The following WDR81 variants were observed in gnomAD, a reference collection of about 807,000 sequenced individuals.
WDR81 encodes the protein WD repeat domain 81, also known as WD repeat-containing protein 81.
Under a neutral mutation model 140.8 loss-of-function variants are expected in WDR81, and 92 were observed. The observed-to-expected ratio is 0.65, with a 90% CI of 0.55 to 0.78. The LOEUF is 0.78. WDR81 is among the 30% of genes least tolerant of loss of function. The pLI, the probability that WDR81 is intolerant of heterozygous loss-of-function variation, is 0.00. For synonymous variants in WDR81, 1,183 were observed against 1,156.4 expected (o/e 1.02, Z -0.47); for missense variants, 2,502 against 2,636.4 (o/e 0.95, Z 1.12).
rs569230233 is a variant in WDR81, at chr17:1,730,635, G to C, written c.3776-120G>C. On this transcript the variant is annotated intron_variant, in intron 2 of 9. Transcript: ENST00000409644. ...GGGTCCCAGTCTAAGTGCCAGCCTTGGGTAGGGCCAGGCTGGGCCCCCAGC... is the reference window on the plus strand; with the variant it reads ...GGGTCCCAGTCTAAGTGCCAGCCTTCGGTAGGGCCAGGCTGGGCCCCCAGC... 9.6e-5 allele frequency: 137 copies of C among 1,428,808 alleles called. No individual in the cohort carries two copies. The South Asian group carries it at 1.8e-3, about 19-fold the overall frequency. The allele number at this position is 1,428,808 out of a possible 1,614,324, so 88.5% of individuals were successfully genotyped here.
chr17:1,733,758 C>T lies in WDR81; in HGVS notation c.4721C>T (p.Ser1574Phe). Residue 1574 changes from serine to phenylalanine, a missense_variant, in exon 7 of 10, where the codon TCT becomes TTT. Physicochemically the swap from Ser to Phe is radical, Grantham distance 155 (BLOSUM62 -2). Transcript: ENST00000409644. ...AACCGCATTCAGATCCCCAATGACT[C>T]TCGGCCTGAGAACCCCGGACCACTG... ...VGNRIQIPND[S>F]RPENPGPLGP... The T allele has an allele frequency of 6.2e-7, 1 of 1,612,612 alleles. No homozygotes were observed. Among genetic ancestry groups the T allele is most frequent in the South Asian group, 1.1e-5 (1 of 91,078 alleles).
In WDR81 at chr17:1,726,257, A is replaced by C; in HGVS notation, c.1298A>C (p.Glu433Ala). 6.6e-7 allele frequency: 1 copy of C among 1,518,888 alleles called. No individual in the cohort carries two copies. The highest frequency in any genetic ancestry group is 8.8e-7 in the Non-Finnish European group (1 of 1,131,518). 94.1% of individuals were successfully genotyped at this position (1,518,888 alleles called of 1,614,324 possible). ...GTAGCAGGCGGGGCGGGCGGCGGGG[A>C]ACCCCCTCATGTTCCCCACCACATC... is the stretch of plus-strand genomic sequence containing the variant. ...AFVAGGAGGGEPPHVPHHISD... is the reference protein window; with the variant it reads ...AFVAGGAGGGAPPHVPHHISD... The change falls in exon 1 of 10, where the codon GAA (glutamate) becomes GCA (alanine). Residue 433 changes from glutamate (E) to alanine (A), a missense_variant. Physicochemically the swap from Glu to Ala is moderately radical, Grantham distance 107. Around this residue, in one of 3 missense-constraint regions of WDR81, gnomAD observed 218 missense variants for 279.6 expected, o/e 0.78. Transcript: ENST00000409644.
At position 1,726,220 on chromosome 17, in the gene WDR81, C is replaced by T. The variant is rs370244211; in HGVS notation, c.1261C>T (p.Arg421Trp). The stretch of plus-strand genomic sequence containing the variant: ...ACTGGACTTCACGTATGAGATGACA[C>T]GGCAGGCATTCGTAGCAGGCGGGGC... ...KQLDFTYEMT[R>W]QAFVAGGAGG... is the part of the protein sequence containing the mutation. Residue 421 changes from arginine (R) to tryptophan (W), a missense_variant, in exon 1 of 10, where the codon CGG becomes TGG. By Grantham distance (101) the Arg-to-Trp change is moderately radical (BLOSUM62 -3). Coordinates refer to ENST00000409644, the MANE Select transcript of WDR81 (RefSeq NM_001163809.2). The T allele has an allele frequency of 1.3e-6, 2 of 1,532,828 alleles. No individual in the cohort carries two copies. The highest frequency in any genetic ancestry group is 1.4e-5 in the African/African-American group (1 of 72,804). The allele number at this position is 1,532,828 out of a possible 1,614,324, so 95.0% of individuals were successfully genotyped here.
rs894611653 is a variant in WDR81 at position 1,726,936 on chromosome 17, G to A, written c.1977G>A (p.Leu659=). ...GGCCGGTGGCAGGAGAAGACGACTT[G>A]GAACAGGCCACAGAAGCTCTGGATT... The part of the protein sequence containing the change: ...RDRPVAGEDD[L]EQATEALDSI... Residue 659 remains leucine, a synonymous_variant, in exon 1 of 10, where the codon TTG becomes TTA. Coordinates refer to ENST00000409644, the MANE Select transcript of WDR81 (RefSeq NM_001163809.2). 2.0e-5 allele frequency: 31 copies of A among 1,550,326 alleles called. No homozygotes were observed. The highest frequency in any genetic ancestry group is 2.6e-5 in the Non-Finnish European group (30 of 1,146,984).
upstream of WDR81, among the ~76,000 whole-genome samples, chr17:1,723,455 ATT>A (rs1184517785): frequency 0.022 from 2,496 of 113,732 alleles, 66 homozygotes; most frequent in African/African-American, 0.067. Context: ...TTATTTATTT[ATT>A]TTTATTTATT....
In WDR81 at chr17:1,736,026, C is replaced by A; in HGVS notation, c.5326-13C>A. On this transcript the variant is annotated splice_polypyrimidine_tract_variant and intron_variant, in intron 8 of 9. Coordinates refer to ENST00000409644, the MANE Select transcript of WDR81 (RefSeq NM_001163809.2). ...GAAGGTGGTGCCTCAGCTCAGCCGC[C>A]CTCTCCCTGCAGCACGAGTTCCGAC... 6.3e-7 allele frequency: 1 copy of A among 1,584,244 alleles called. No homozygotes were observed.
Position 1,731,544 on chromosome 17 carries a change from G to C in WDR81, c.4157+286G>C, listed in dbSNP as rs146216809. Among the ~76,000 whole-genome samples the C allele has an allele frequency of 4.1e-4, 62 of 152,286 alleles. No individual in the cohort carries two copies. The East Asian group carries it at 0.011, about 27-fold the overall frequency. ...CCCAGCACTTTGAGAGGCTGAGGCG[G>C]GAAGATTGCTTGAGCCCAGGAGTTC... On this transcript the variant is annotated intron_variant, in intron 4 of 9. Coordinates refer to ENST00000409644, the MANE Select transcript of WDR81 (RefSeq NM_001163809.2).
At position 1,725,393 on chromosome 17, in the gene WDR81, A is replaced by G; in HGVS notation, c.434A>G (p.Gln145Arg). The G allele has an allele frequency of 6.5e-7, 1 of 1,549,652 alleles. No individual in the cohort carries two copies. The highest frequency in any genetic ancestry group is 1.7e-4 in the Middle Eastern group (1 of 5,992). ...LTRFMQEVAA[Q>R]NYRNLWRHAY... ...CGCTTCATGCAGGAGGTTGCCGCCCAGAATTATCGCAACCTGTGGCGCCAT... is the reference window on the plus strand; with the variant it reads ...CGCTTCATGCAGGAGGTTGCCGCCCGGAATTATCGCAACCTGTGGCGCCAT... The change falls in exon 1 of 10, where the codon CAG becomes CGG. Residue 145 changes from glutamine to arginine, a missense_variant. Around this residue, in one of 3 missense-constraint regions of WDR81, gnomAD observed 547 missense variants for 513.8 expected, o/e 1.06. Coordinates refer to ENST00000409644, the MANE Select transcript of WDR81 (RefSeq NM_001163809.2).
At position 1,734,173 on chromosome 17, in the gene WDR81, G is replaced by C; in HGVS notation, c.5136G>C (p.Val1712=). 12 of 1,597,282 alleles carry C rather than the reference G, an allele frequency of 7.5e-6. No homozygotes were observed. The highest frequency in any genetic ancestry group is 1.0e-5 in the Non-Finnish European group (12 of 1,179,120). Residue 1712 remains valine (V), a synonymous_variant, in exon 7 of 10, where the codon GTG becomes GTC. Coordinates refer to ENST00000409644, the MANE Select transcript of WDR81 (RefSeq NM_001163809.2). The part of the protein sequence containing the change: ...FVGQLEAPQH[V]VSCDGAVHVW... ...GCCAGCTTGAGGCCCCGCAGCACGT[G>C]GTGAGCTGTGACGGGGCTGTGCACG...
chr17:1,724,923 G>C lies in WDR81; in HGVS notation c.-37G>C. On this transcript the variant is annotated 5_prime_UTR_variant, in exon 1 of 10. Transcript: ENST00000409644. ...CCGTCGCCAGCAGGGCCGTGGCTGG[G>C]CTCAGCCCCGCGCTGCCCCCGGGCG... The C allele has an allele frequency of 2.2e-6, 3 of 1,359,250 alleles. No homozygotes were observed. Among genetic ancestry groups the C allele is most frequent in the Non-Finnish European group, 2.8e-6 (3 of 1,060,768 alleles). 84.2% of individuals were successfully genotyped at this position (1,359,250 alleles called of 1,614,324 possible).
Position 1,727,617 on chromosome 17 carries a change from G to A in WDR81, c.2658G>A (p.Leu886=). 6.4e-7 allele frequency: 1 copy of A among 1,550,572 alleles called. No homozygotes were observed. The part of the protein sequence containing the change: ...YFPALHRFIL[L]YQARRVEDEA... ...CGGCACTGCACAGATTCATCCTCCT[G>A]TACCAGGCAAGGCGTGTGGAGGACG... The change falls in exon 1 of 10, where the codon CTG becomes CTA. Residue 886 remains leucine (L), a synonymous_variant. Coordinates refer to ENST00000409644, the MANE Select transcript of WDR81 (RefSeq NM_001163809.2).
chr17:1,736,467 G>T (rs1904878929), intron 9 of WDR81, among the ~76,000 whole-genome samples: 1 of 152,186 alleles, frequency 6.6e-6, no homozygotes, highest in African/African-American at 2.4e-5. Flanking sequence ...GAGCTATGGG[G>T]CAGGGCTGAC....
chr17:1,724,937 T>C lies in WDR81; in HGVS notation c.-23T>C, dbSNP rs916361352. 8.7e-6 allele frequency: 12 copies of C among 1,386,504 alleles called. No individual in the cohort carries two copies. The highest frequency in any genetic ancestry group is 1.5e-5 in the African/African-American group (1 of 65,630). The allele number at this position is 1,386,504 out of a possible 1,614,324, so 85.9% of individuals were successfully genotyped here. ...GCCGTGGCTGGGCTCAGCCCCGCGC[T>C]GCCCCCGGGCGGCCTGGAGGAGATG... On this transcript the variant is annotated 5_prime_UTR_variant, in exon 1 of 10. Transcript: ENST00000409644.
At chr17:1,721,213 G>T (rs539622933), upstream of WDR81, among the ~76,000 whole-genome samples, 1 of 152,156 alleles carries the variant, frequency 6.6e-6, no homozygotes, top group East Asian at 1.9e-4. Flanking sequence ...ATAAAATTTA[G>T]CTAGGCGTGG....
At chr17:1,717,787 A>G (rs1914659466) in intron 1 of WDR81, among the ~76,000 whole-genome samples, 1 of 152,012 alleles carries the variant, frequency 6.6e-6, no homozygotes, top group African/African-American at 2.4e-5. Context: ...TCTGCTCCTT[A>G]GTTCTTCAGA....
In WDR81 at chr17:1,733,944, T is replaced by A; in HGVS notation, c.4907T>A (p.Phe1636Tyr). 1.2e-6 allele frequency: 2 copies of A among 1,612,692 alleles called. No individual in the cohort carries two copies. Among genetic ancestry groups the A allele is most frequent in the Non-Finnish European group, 1.7e-6 (2 of 1,179,944 alleles). ...AGCCAGCAGGATGCCCACTTTCACT[T>A]CCACCAGATCCGCCTGCAGAGCTTC... Reference protein sequence around the residue: ...GVSQQDAHFHFHQIRLQSFPG... With the variant: ...GVSQQDAHFHYHQIRLQSFPG... The change falls in exon 7 of 10, where the codon TTC becomes TAC. Residue 1636 changes from phenylalanine (F) to tyrosine (Y), a missense_variant. Phe to Tyr is a conservative substitution (Grantham distance 22). Coordinates refer to ENST00000409644, the MANE Select transcript of WDR81 (RefSeq NM_001163809.2).
Position 1,726,050 on chromosome 17 carries a change from T to G in WDR81, c.1091T>G (p.Met364Arg). 1 of 1,547,422 alleles carries G rather than the reference T, an allele frequency of 6.5e-7. No individual in the cohort carries two copies. The highest frequency in any genetic ancestry group is 8.7e-7 in the Non-Finnish European group (1 of 1,144,784). Residue 364 changes from methionine (M) to arginine (R), a missense_variant, in exon 1 of 10, where the codon ATG becomes AGG. Coordinates refer to ENST00000409644, the MANE Select transcript of WDR81 (RefSeq NM_001163809.2). ...CGCATCAGCAACTTCCACTACCTCA[T>G]GCAGCTGAATCGGTTGGCAGGTCGG... The part of the protein sequence containing the change: ...HGRISNFHYL[M>R]QLNRLAGRRQ...
rs1915450583 is a variant in WDR81 at position 1,728,410 on chromosome 17, G to T, written c.3451G>T (p.Gly1151Cys). Residue 1151 changes from glycine (G) to cysteine (C), a missense_variant, in exon 1 of 10, where the codon GGC (glycine) becomes TGC (cysteine). By Grantham distance (159) the Gly-to-Cys change is radical. Coordinates refer to ENST00000409644, the MANE Select transcript of WDR81 (RefSeq NM_001163809.2). ...CAGCCAGGACTTGAAGCAAAGCGAG[G>T]GCTCCGAGGAGGAAGAGGAGGAGGA... ...DSSQDLKQSEGSEEEEEEEDS... is the reference protein window; with the variant it reads ...DSSQDLKQSECSEEEEEEEDS... 6.2e-7 allele frequency: 1 copy of T among 1,612,598 alleles called. No homozygotes were observed. The highest frequency in any genetic ancestry group is 8.5e-7 in the Non-Finnish European group (1 of 1,179,730).
chr17:1,733,162 G>C (rs934513999), intron 6 of WDR81, among the ~76,000 whole-genome samples: 10 of 152,156 alleles, frequency 6.6e-5, no homozygotes, highest in African/African-American at 2.4e-4. Context: ...GCCCTGCACG[G>C]TGCTGTGCTG....
Sources: allele counts gnomAD v4.1 joint callset (sites outside exome capture counted in the v4.1 genomes callset), GRCh38; gene constraint gnomAD v4.1.1; regional missense constraint gnomAD v4.1.1; transcripts MANE v1.5; gene names NCBI Gene and HGNC (gene_info 2026-07-23, HGNC 2026-07-21).